The following WSCD2 variants were observed in gnomAD, a reference collection of about 807,000 sequenced individuals.
The protein encoded by WSCD2 is WSC domain sialate O sulfotransferase 2, also known as sialate:O-sulfotransferase 2.
In WSCD2, 28 loss-of-function variants were observed where a neutral mutation model predicts 55.7. The observed-to-expected ratio is 0.50, with a 90% CI of 0.37 to 0.69. WSCD2 has a LOEUF of 0.69. WSCD2 is among the 30% of genes least tolerant of loss of function. The pLI, the probability that WSCD2 is intolerant of heterozygous loss-of-function variation, is 0.00. For missense variants in WSCD2, 616 were observed against 762.1 expected (o/e 0.81, Z 2.26); for synonymous variants, 301 against 301.9 (o/e 1.00, Z 0.03).
chr12:108,144,424 T>C (rs149593979), intron 1 of WSCD2, among the ~76,000 whole-genome samples: 125 of 152,340 alleles, frequency 8.2e-4, no homozygotes, highest in African/African-American at 2.9e-3. Context: ...AGCTTATTAA[T>C]GTTCTCTCTG....
chr12:108,166,281 G>GAACT (rs1277163682), intron 1 of WSCD2, among the ~76,000 whole-genome samples: 1 of 152,304 alleles, frequency 6.6e-6, no homozygotes, highest in East Asian at 1.9e-4. Context: ...TGTGAATGAA[G>GAACT]AACTCAGTAA....
At chr12:108,163,330 C>T (rs1000339699) in intron 1 of WSCD2, among the ~76,000 whole-genome samples, 1 of 152,064 alleles carries the variant, frequency 6.6e-6, no homozygotes, top group African/African-American at 2.4e-5. Context: ...GATTGCACCA[C>T]TGCACTCCAG....
chr12:108,132,672 C>T (rs1158175687), intron 1 of WSCD2, among the ~76,000 whole-genome samples: 3 of 152,172 alleles, frequency 2.0e-5, no homozygotes, highest in African/African-American at 4.8e-5. Flanking sequence ...CACAGATCCA[C>T]GTGTGTGCTC....
chr12:108,231,256 T>C (rs1888717275), intron 6 of WSCD2, among the ~76,000 whole-genome samples: 1 of 152,178 alleles, frequency 6.6e-6, no homozygotes, highest in South Asian at 2.1e-4. Flanking sequence ...CACTGAGACC[T>C]GGGGCCTCCA....
rs774280953 is a variant in WSCD2, at chr12:108,206,318, A to G, written c.412A>G (p.Thr138Ala). 1.2e-6 allele frequency: 2 copies of G among 1,614,210 alleles called. No individual in the cohort carries two copies. The highest frequency in any genetic ancestry group is 2.2e-5 in the East Asian group (1 of 44,886). Residue 138 changes from threonine (T) to alanine (A), a missense_variant, in exon 3 of 9, where the codon ACC becomes GCC. By Grantham distance (58) the Thr-to-Ala change is moderately conservative. Transcript: ENST00000547525. ...GTACATCGGCTGCTACCTGGATGAC[A>G]CCCAGAGTCGGGCCCTTCGAGGAGT... is the stretch of plus-strand genomic sequence containing the variant. ...AKYIGCYLDD[T>A]QSRALRGVSF...
intron 7 of WSCD2, among the ~76,000 whole-genome samples, chr12:108,235,423 G>C (rs191789152): frequency 1.3e-5 from 2 of 152,018 alleles, no homozygotes; most frequent in Non-Finnish European, 2.9e-5. Flanking sequence ...TGTCAGGAGC[G>C]GGCCCAGGCA....
At position 108,184,741 on chromosome 12, in the gene WSCD2, G is replaced by A. The variant is rs1592959746; in HGVS notation, c.-551-10541G>A. Among the ~76,000 whole-genome samples, 5 of 152,236 alleles carry A rather than the reference G, an allele frequency of 3.3e-5. 1 individual carries two copies. Among genetic ancestry groups the A allele is most frequent in the Admixed American group, 3.3e-4 (5 of 15,294 alleles). On this transcript the variant is annotated intron_variant, in intron 1 of 8. Coordinates refer to ENST00000547525, the MANE Select transcript of WSCD2 (RefSeq NM_014653.4). ...TCTATGGTATCATAATCATAATCTT[G>A]GTAATAGCTAAAAAGTATTGAGCAC...
At chr12:108,186,319 A>C (rs1422364302) in intron 1 of WSCD2, among the ~76,000 whole-genome samples, 1 of 152,092 alleles carries the variant, frequency 6.6e-6, no homozygotes, top group Non-Finnish European at 1.5e-5. Flanking sequence ...CCCGCACCAG[A>C]GTGGTCCCTT....
intron 8 of WSCD2, among the ~76,000 whole-genome samples, chr12:108,245,123 AC>A (rs1889994426): frequency 6.6e-6 from 1 of 152,074 alleles, no homozygotes; most frequent in Non-Finnish European, 1.5e-5. Context: ...ATTGAATGGT[AC>A]TTCTATTTTT....
chr12:108,232,374 G>A (rs990838298), intron 6 of WSCD2, among the ~76,000 whole-genome samples: 2 of 152,120 alleles, frequency 1.3e-5, no homozygotes, highest in Non-Finnish European at 2.9e-5. Context: ...TGGAGGAAAG[G>A]GTAGGGGTGA....
chr12:108,218,870 C>T (rs1177753618), intron 4 of WSCD2, among the ~76,000 whole-genome samples: 4 of 152,200 alleles, frequency 2.6e-5, no homozygotes, highest in Admixed American at 2.6e-4. Context: ...CTCTTGGCAT[C>T]CTGAGAAAAG....
intron 1 of WSCD2, among the ~76,000 whole-genome samples, chr12:108,130,225 C>T (rs915159493): frequency 2.1e-4 from 32 of 152,228 alleles, no homozygotes; most frequent in African/African-American, 6.8e-4. Flanking sequence ...AGGGCTTCTC[C>T]CGCGGAGGTG....
chr12:108,233,684 T>C (rs1889008446), intron 7 of WSCD2, among the ~76,000 whole-genome samples: 1 of 152,274 alleles, frequency 6.6e-6, no homozygotes, highest in South Asian at 2.1e-4. Context: ...GGGGATTGCA[T>C]TCTAGTGTTT....
chr12:108,173,317 TG>T (rs1367995617), intron 1 of WSCD2, among the ~76,000 whole-genome samples: 2 of 152,170 alleles, frequency 1.3e-5, no homozygotes, highest in Non-Finnish European at 2.9e-5. Flanking sequence ...GGCTCTTGGC[TG>T]TGAGAAAGGC....
chr12:108,239,288 A>G (rs761776249), intron 7 of WSCD2, among the ~76,000 whole-genome samples: 5 of 152,134 alleles, frequency 3.3e-5, no homozygotes, highest in Non-Finnish European at 7.4e-5. Context: ...CTCTTGAGCT[A>G]GTAAGTTTCT....
intron 1 of WSCD2, among the ~76,000 whole-genome samples, chr12:108,158,089 G>A (rs1274678251): frequency 1.3e-5 from 2 of 152,118 alleles, no homozygotes; most frequent in East Asian, 3.9e-4. Flanking sequence ...GTACTTACGG[G>A]ATGTCTGAGG....
At chr12:108,226,046 G>C (rs1888050405) in intron 5 of WSCD2, among the ~76,000 whole-genome samples, 1 of 152,004 alleles carries the variant, frequency 6.6e-6, no homozygotes, top group African/African-American at 2.4e-5. Context: ...ATGCCCCCTT[G>C]GTGTGATGGT....
intron 1 of WSCD2, among the ~76,000 whole-genome samples, chr12:108,130,702 G>A (rs1284087649): frequency 6.6e-6 from 1 of 151,926 alleles, no homozygotes; most frequent in Admixed American, 6.5e-5. Context: ...CCTTAGGTGA[G>A]CAAAAAAATA....
chr12:108,227,106 G>C lies in WSCD2; in HGVS notation c.921G>C (p.Glu307Asp), dbSNP rs180963117. Residue 307 changes from glutamate to aspartate, a missense_variant, in exon 6 of 9, where the codon GAG becomes GAC. This residue lies in a region of WSCD2 where 374 missense variants were observed against 467.4 expected (regional missense o/e 0.80). Transcript: ENST00000547525. The part of the protein sequence containing the change: ...EQLCAQKCSA[E>D]EFESCGTPSY... ...TCTGTGCCCAGAAGTGCAGCGCGGA[G>C]GAGTTTGAGAGCTGCGGGACTCCTA... The C allele has an allele frequency of 2.8e-5, 46 of 1,614,234 alleles. No homozygotes were observed. In the East Asian group the frequency reaches 9.8e-4, roughly 34 times the overall value.
Sources: gnomAD v4.1 joint callset for allele counts (sites outside exome capture counted in the v4.1 genomes callset) on GRCh38, gnomAD v4.1.1 for gene constraint, gnomAD v4.1.1 regional missense constraint, MANE v1.5 for transcripts, NCBI Gene and HGNC (gene_info 2026-07-23, HGNC 2026-07-21) for gene names.